The following CPQ variants were observed in gnomAD, a reference collection of about 807,000 sequenced individuals.
CPQ encodes Ser-Met dipeptidase.
Under a neutral mutation model 45.7 loss-of-function variants are expected in CPQ, and 37 were observed. That is an observed-to-expected ratio of 0.81 (90% CI 0.62 to 1.07). The LOEUF (loss-of-function observed/expected upper bound fraction) is 1.07. Ranked by LOEUF, CPQ falls within the 50% of genes least tolerant of loss-of-function variation. CPQ has a pLI of 0.00. For missense variants in CPQ, 537 were observed against 572.9 expected (o/e 0.94, Z 0.64); for synonymous variants, 186 against 205.8 (o/e 0.90, Z 0.82).
intron 7 of CPQ, 94 bp from the exon 8 acceptor site, chr8:97,142,926 T>C (rs899047646): frequency 9.1e-6 from 11 of 1,212,930 alleles, no homozygotes; most frequent in South Asian, 1.4e-5. Context: ...GCAGACTGTA[T>C]AATAGGAGCA....
chr8:97,131,097 A>G (rs1326138746), intron 7 of CPQ, among the ~76,000 whole-genome samples: 1 of 152,188 alleles, frequency 6.6e-6, no homozygotes, highest in East Asian at 1.9e-4. Flanking sequence ...ATCTTCAAGG[A>G]TTATGGTTTG....
intron 7 of CPQ, among the ~76,000 whole-genome samples, chr8:97,137,338 C>G (rs1376295400): frequency 2.6e-5 from 4 of 152,158 alleles, no homozygotes. Context: ...GGAAACAGCC[C>G]CAAGTGTTCC....
At chr8:96,734,493 C>T (rs1457692260) in intron 1 of CPQ, among the ~76,000 whole-genome samples, 1 of 152,090 alleles carries the variant, frequency 6.6e-6, no homozygotes, top group Non-Finnish European at 1.5e-5. Flanking sequence ...GGACGGATCA[C>T]AAGGTCAGGA....
At chr8:96,970,451 T>C (rs900150470) in intron 5 of CPQ, among the ~76,000 whole-genome samples, 1 of 152,222 alleles carries the variant, frequency 6.6e-6, no homozygotes, top group African/African-American at 2.4e-5. Context: ...TCGTGTTATA[T>C]TCATTTTACA....
chr8:96,787,826 T>C lies in CPQ; in HGVS notation c.433+2496T>C, dbSNP rs1395978319. Among the ~76,000 whole-genome samples, 5 of 144,234 alleles carry C rather than the reference T, an allele frequency of 3.5e-5. No individual in the cohort carries two copies. In the East Asian group the frequency reaches 8.9e-4, roughly 26 times the overall value. The allele number at this position is 144,234 out of a possible 152,430, so 94.6% of individuals were successfully genotyped here. ...AAATGTATCTGTTTTATCTAAGTCA[T>C]GTAATTTGTTGGTATACAGTTATTT... On this transcript the variant is annotated intron_variant, in intron 2 of 7. Coordinates refer to ENST00000220763, the MANE Select transcript of CPQ (RefSeq NM_016134.4).
chr8:96,753,995 C>A (rs114107087), intron 1 of CPQ, among the ~76,000 whole-genome samples: 2,914 of 151,802 alleles, frequency 0.019, 103 homozygotes, highest in African/African-American at 0.067. Flanking sequence ...TCTTATTTGA[C>A]CTAGTGATGC....
chr8:96,992,291 C>T (rs1192411173), intron 5 of CPQ, among the ~76,000 whole-genome samples: 1 of 152,056 alleles, frequency 6.6e-6, no homozygotes, highest in Admixed American at 6.5e-5. Context: ...CAAGTGAGCT[C>T]TTATTTTAAA....
chr8:96,679,890 T>G (rs1393139772), intron 1 of CPQ, among the ~76,000 whole-genome samples: 3 of 152,144 alleles, frequency 2.0e-5, no homozygotes, highest in Admixed American at 6.5e-5. Context: ...ATCGATCCTT[T>G]GTACTTTTTC....
chr8:97,074,012 TG>T (rs1810800368), intron 7 of CPQ, among the ~76,000 whole-genome samples: 1 of 152,204 alleles, frequency 6.6e-6, no homozygotes, highest in Admixed American at 6.5e-5. Flanking sequence ...CAGAAACCAC[TG>T]GGTATCTTGC....
chr8:96,970,762 A>T (rs1813657605), intron 5 of CPQ, among the ~76,000 whole-genome samples: 2 of 152,060 alleles, frequency 1.3e-5, no homozygotes, highest in Admixed American at 1.3e-4. Flanking sequence ...ACGGGGTTTC[A>T]CCGTGTTAGC....
At chr8:96,824,789 T>C (rs1811356243) in intron 2 of CPQ, among the ~76,000 whole-genome samples, 1 of 152,042 alleles carries the variant, frequency 6.6e-6, no homozygotes, top group Non-Finnish European at 1.5e-5. Context: ...ATCAAAAGCT[T>C]ATTAAAAACT....
At chr8:96,668,786 A>C (rs1808961226) in intron 1 of CPQ, among the ~76,000 whole-genome samples, 1 of 152,092 alleles carries the variant, frequency 6.6e-6, no homozygotes, top group Admixed American at 6.6e-5. Context: ...CACATTACTG[A>C]GTTCCCTGGG....
At chr8:96,792,408 G>T (rs1810859674) in intron 2 of CPQ, among the ~76,000 whole-genome samples, 1 of 152,152 alleles carries the variant, frequency 6.6e-6, no homozygotes, top group Admixed American at 6.5e-5. Context: ...GGTCTTCATG[G>T]TTTATGGTCT....
In CPQ at chr8:97,051,384, T is replaced by C. The variant is rs139187701; in HGVS notation, c.1054-14625T>C. On this transcript the variant is annotated intron_variant, in intron 6 of 7. Coordinates refer to ENST00000220763, the MANE Select transcript of CPQ (RefSeq NM_016134.4). ...GGTTTTCCAAATGAATTAAACAAGA[T>C]CTTGAAGGATTATTTAATTATGACT... 2.6e-3 allele frequency among the ~76,000 whole-genome samples: 401 copies of C among 152,296 alleles called. 1 individual carries two copies. Among genetic ancestry groups the C allele is most frequent in the Non-Finnish European group, 4.1e-3 (282 of 68,018 alleles).
intron 1 of CPQ, among the ~76,000 whole-genome samples, chr8:96,745,617 AAAG>A (rs1333223544): frequency 6.6e-6 from 1 of 152,234 alleles, no homozygotes; most frequent in Non-Finnish European, 1.5e-5. Flanking sequence ...CAGAGAGATT[AAAG>A]AAGATACTTG....
intron 4 of CPQ, among the ~76,000 whole-genome samples, chr8:96,960,624 G>A (rs917863860): frequency 6.6e-6 from 1 of 152,060 alleles, no homozygotes; most frequent in Non-Finnish European, 1.5e-5. Flanking sequence ...CTGTGTTCCC[G>A]TACCTGATCA....
intron 1 of CPQ, among the ~76,000 whole-genome samples, chr8:96,727,679 C>T (rs528369182): frequency 3.9e-5 from 6 of 152,208 alleles, no homozygotes; most frequent in African/African-American, 7.2e-5. Context: ...GCTCCTTAAA[C>T]GATGGGTGAC....
At chr8:96,807,447 A>G (rs1811098298) in intron 2 of CPQ, among the ~76,000 whole-genome samples, 1 of 151,810 alleles carries the variant, frequency 6.6e-6, no homozygotes, top group Admixed American at 6.6e-5. Flanking sequence ...GTTAGCCAGG[A>G]TGGTCTCGAT....
intron 1 of CPQ, among the ~76,000 whole-genome samples, chr8:96,763,628 CA>C (rs1479009781): frequency 1.3e-5 from 2 of 151,736 alleles, no homozygotes; most frequent in African/African-American, 4.8e-5. Flanking sequence ...TACACATCTG[CA>C]AAAAGTAGAG....
Sources: allele counts gnomAD v4.1 joint callset (sites outside exome capture counted in the v4.1 genomes callset), GRCh38; gene constraint gnomAD v4.1.1; transcripts MANE v1.5; gene names NCBI Gene and HGNC (gene_info 2026-07-23, HGNC 2026-07-21).